The following PLEKHM2 variants were observed in gnomAD, a reference collection of about 807,000 sequenced individuals.
PLEKHM2 encodes the protein pleckstrin homology and RUN domain containing M2.
A neutral mutation model predicts 116.3 loss-of-function variants in PLEKHM2; 77 were observed. The ratio of observed to expected loss-of-function variants is 0.66; its 90% CI spans 0.55 to 0.80. The LOEUF (loss-of-function observed/expected upper bound fraction) is 0.80, where lower values mean the gene tolerates loss of function less well. PLEKHM2 is among the 30% of genes least tolerant of loss of function. The pLI is 0.00. For missense variants in PLEKHM2, 1,183 were observed against 1,354.9 expected, an observed-to-expected ratio of 0.87 and a Z score of 1.99; for synonymous variants, 562 against 571.0, an observed-to-expected ratio of 0.98 and a Z score of 0.22.
In PLEKHM2 at chr1:15,721,403, GCT is replaced by G; in HGVS notation, c.712+16_712+17del. ...AGACTGGGAAGGTGGGCCAGAGTCC[GCT>G]GTTACCCTCTTTTCCTGTTTTGCAA... On this transcript the variant is annotated intron_variant, in intron 7 of 19. Coordinates refer to ENST00000375799, the MANE Select transcript of PLEKHM2 (RefSeq NM_015164.4). This position sits in a 1 kb window ranked among gnomAD's most constrained non-coding sequence, Gnocchi z 5.1. 6.6e-7 allele frequency: 1 copy of G among 1,525,320 alleles called. No homozygotes were observed. The highest frequency in any genetic ancestry group is 8.9e-7 in the Non-Finnish European group (1 of 1,118,722). The allele number at this position is 1,525,320 out of a possible 1,614,324, so 94.5% of individuals were successfully genotyped here.
In PLEKHM2 at chr1:15,725,240, G is replaced by T. The variant is rs2068046760; in HGVS notation, c.713-77G>T. The T allele has an allele frequency of 4.7e-6, 5 of 1,061,236 alleles. No individual in the cohort carries two copies. The South Asian group carries it at 6.9e-5, about 15-fold the overall frequency. 65.7% of individuals were successfully genotyped at this position (1,061,236 alleles called of 1,614,324 possible). ...GAACTGGCCAGCCTGCCTCCCTCCT[G>T]GGCTAACGCATGCTCTGGGGGTCGG... On this transcript the variant is annotated intron_variant, in intron 7 of 19. Coordinates refer to ENST00000375799, the MANE Select transcript of PLEKHM2 (RefSeq NM_015164.4).
At chr1:15,700,082 T>C (rs761328289) in intron 1 of PLEKHM2, among the ~76,000 whole-genome samples, 7 of 152,022 alleles carry the variant, frequency 4.6e-5, no homozygotes, top group Non-Finnish European at 8.8e-5. Flanking sequence ...ACCCAGCAGC[T>C]GAAGCCTCTG....
At chr1:15,687,083 C>T (rs138821606) in intron 1 of PLEKHM2, among the ~76,000 whole-genome samples, 1,545 of 151,022 alleles carry the variant, frequency 0.01, 28 homozygotes, top group African/African-American at 0.034. Flanking sequence ...CCACCGTGCC[C>T]GACTACTTTT....
intron 1 of PLEKHM2, among the ~76,000 whole-genome samples, chr1:15,711,019 C>A (rs563796614): frequency 6.6e-6 from 1 of 151,266 alleles, no homozygotes; most frequent in South Asian, 2.1e-4. Flanking sequence ...TACCTCATGC[C>A]ATATATAAAG....
chr1:15,732,805 G>A (rs2068165869), intron 19 of PLEKHM2, 77 bp downstream of exon 19: 2 of 981,992 alleles, frequency 2.0e-6, no homozygotes, highest in African/African-American at 1.6e-5. Flanking sequence ...AGGAACCCCT[G>A]CTGCTCCCAG....
intron 1 of PLEKHM2, among the ~76,000 whole-genome samples, chr1:15,696,100 C>T (rs1474463784): frequency 6.6e-6 from 1 of 152,006 alleles, no homozygotes; most frequent in Non-Finnish European, 1.5e-5. Context: ...AGGCATGAGC[C>T]ACCACACCCA....
intron 16 of PLEKHM2, among the ~76,000 whole-genome samples, chr1:15,731,591 G>A (rs1303140320): frequency 1.3e-5 from 2 of 152,184 alleles, no homozygotes; most frequent in East Asian, 1.9e-4. Context: ...GTGAATGAAT[G>A]CGGCCGATTC....
intron 1 of PLEKHM2, among the ~76,000 whole-genome samples, chr1:15,688,234 C>A: frequency 1.3e-5 from 2 of 152,300 alleles, no homozygotes; most frequent in Middle Eastern, 6.8e-3. Flanking sequence ...CATTATAACA[C>A]CAGACAGGTG....
intron 17 of PLEKHM2, 29 bp from the exon 18 acceptor site, chr1:15,732,321 A>T: frequency 6.5e-7 from 1 of 1,533,234 alleles, no homozygotes; most frequent in Non-Finnish European, 8.8e-7. Flanking sequence ...TGGAGGCCCC[A>T]GCCTGCCTCT....
In PLEKHM2 at chr1:15,729,795, A is replaced by G; in HGVS notation, c.2076-2A>G. The G allele has an allele frequency of 1.2e-6, 2 of 1,611,348 alleles. No individual in the cohort carries two copies. The highest frequency in any genetic ancestry group is 1.7e-6 in the Non-Finnish European group (2 of 1,178,834). The stretch of plus-strand genomic sequence containing the variant: ...TAACCACAAACCTCACTCCCTATGC[A>G]GGTTCTTTTTGGCTTCTTTGAAGTC... On this transcript the variant is annotated splice_acceptor_variant, in intron 13 of 19. Transcript: ENST00000375799. LOFTEE classifies it high-confidence loss of function. This position sits in a 1 kb window ranked among gnomAD's most constrained non-coding sequence, Gnocchi z 4.7.
chr1:15,724,878 C>T lies in PLEKHM2; in HGVS notation c.713-439C>T, dbSNP rs568511915. On this transcript the variant is annotated intron_variant, in intron 7 of 19. Coordinates refer to ENST00000375799, the MANE Select transcript of PLEKHM2 (RefSeq NM_015164.4). ...CCCTACAAGTGGGGTATGGGGCTAA[C>T]GGGGCTGCTGGGTACCCCTGTAGCG... 5.3e-5 allele frequency among the ~76,000 whole-genome samples: 8 copies of T among 152,224 alleles called. No individual in the cohort carries two copies. In the East Asian group the frequency reaches 5.8e-4, roughly 11 times the overall value.
chr1:15,695,490 G>A (rs1640975715), intron 1 of PLEKHM2, among the ~76,000 whole-genome samples: 1 of 152,148 alleles, frequency 6.6e-6, no homozygotes, highest in Non-Finnish European at 1.5e-5. Context: ...TGGGTCAGTG[G>A]CCCATGATGT....
At chr1:15,723,624 C>T (rs2068022632) in intron 7 of PLEKHM2, among the ~76,000 whole-genome samples, 1 of 151,882 alleles carries the variant, frequency 6.6e-6, no homozygotes, top group Admixed American at 6.6e-5. Flanking sequence ...CCTATAGTCC[C>T]AGCTACTCTG....
chr1:15,719,920 G>C lies in PLEKHM2; in HGVS notation c.652G>C (p.Asp218His), dbSNP rs548545114. 6.2e-7 allele frequency: 1 copy of C among 1,611,204 alleles called. No homozygotes were observed. Among genetic ancestry groups the C allele is most frequent in the African/African-American group, 1.3e-5 (1 of 74,974 alleles). Residue 218 changes from aspartate to histidine, a missense_variant and splice_region_variant, in exon 6 of 20, where the codon GAT (aspartate) becomes CAT (histidine). Physicochemically the swap from Asp to His is moderately conservative, Grantham distance 81 (BLOSUM62 -1). Coordinates refer to ENST00000375799, the MANE Select transcript of PLEKHM2 (RefSeq NM_015164.4). This position sits in a 1 kb window ranked among gnomAD's most constrained non-coding sequence, Gnocchi z 4.1. ...DDSAIAPSSE[D>H]YDFGDVFPAV... ...CAGTGCGATTGCCCCATCTAGTGAG[G>C]GTGAGTGGCCCCAGGGCAGAAAAGC...
chr1:15,684,868 C>T (rs1640735908), intron 1 of PLEKHM2, among the ~76,000 whole-genome samples: 2 of 152,126 alleles, frequency 1.3e-5, no homozygotes, highest in Admixed American at 6.5e-5. Context: ...TGGCCCGGGG[C>T]CCTGCCCTCC....
chr1:15,711,761 TA>T (rs1246821697), intron 1 of PLEKHM2, among the ~76,000 whole-genome samples: 2 of 152,108 alleles, frequency 1.3e-5, no homozygotes, highest in Non-Finnish European at 2.9e-5. Context: ...AAGTGAAGTT[TA>T]AAGGTCAATT....
Position 15,712,878 on chromosome 1 carries a change from G to A in PLEKHM2, c.61-3359G>A, listed in dbSNP as rs1273399530. On this transcript the variant is annotated intron_variant, in intron 1 of 19. Transcript: ENST00000375799. The stretch of plus-strand genomic sequence containing the variant: ...TGCAGTGGTGCAATCTTGGCTCACT[G>A]CAACCTCCACCTCCTAGGGTCAAGC... 2.0e-5 allele frequency among the ~76,000 whole-genome samples: 3 copies of A among 151,944 alleles called. 1 individual carries two copies. Among genetic ancestry groups the A allele is most frequent in the South Asian group, 4.1e-4 (2 of 4,822 alleles).
intron 1 of PLEKHM2, among the ~76,000 whole-genome samples, chr1:15,687,157 T>A (rs965714941): frequency 1.3e-5 from 2 of 151,882 alleles, no homozygotes; most frequent in African/African-American, 4.8e-5. Flanking sequence ...AGATTTTGTT[T>A]GTTTGTTTTT....
chr1:15,721,305 C>T lies in PLEKHM2; in HGVS notation c.653-24C>T, dbSNP rs1184951907. The T allele has an allele frequency of 7.0e-7, 1 of 1,420,770 alleles. No homozygotes were observed. Among genetic ancestry groups the T allele is most frequent in the African/African-American group, 1.4e-5 (1 of 69,626 alleles). The allele number at this position is 1,420,770 out of a possible 1,614,324, so 88.0% of individuals were successfully genotyped here. On this transcript the variant is annotated intron_variant, in intron 6 of 19. Transcript: ENST00000375799. The surrounding 1 kb of genome is among the most constrained non-coding windows in gnomAD (Gnocchi z 5.1). Reference sequence around the variant, plus strand: ...TTCCACTGCCTGTGTTTCTAATCTTCAGTTTTGTCCCTCGTTTTTGTAGAT... The same window carrying T: ...TTCCACTGCCTGTGTTTCTAATCTTTAGTTTTGTCCCTCGTTTTTGTAGAT...
Sources: gnomAD v4.1 joint callset for allele counts (sites outside exome capture counted in the v4.1 genomes callset) on GRCh38, gnomAD v4.1.1 for gene constraint, Gnocchi (gnomAD v3.1) non-coding constraint, MANE v1.5 for transcripts, NCBI Gene and HGNC (gene_info 2026-07-23, HGNC 2026-07-21) for gene names.